Variants in ARHGEF33 observed in about 807,000 individuals in gnomAD.
ARHGEF33 encodes the protein DH and coiled-coil domain-containing protein ENSP00000381780.
A neutral mutation model predicts 101.9 loss-of-function variants in ARHGEF33; 72 were observed. The ratio of observed to expected loss-of-function variants is 0.71; its 90% confidence interval spans 0.58 to 0.86. The LOEUF (loss-of-function observed/expected upper bound fraction) is 0.86, where lower values mean the gene tolerates loss of function less well. ARHGEF33 is among the 40% of genes least tolerant of loss of function. ARHGEF33 has a pLI of 0.00. For synonymous variants in ARHGEF33, 499 were observed against 442.5 expected (o/e 1.13, Z -1.60); for missense variants, 1,169 against 1,111.3 (o/e 1.05, Z -0.74).
intron 7 of ARHGEF33, among the ~76,000 whole-genome samples, chr2:38,934,917 G>A (rs1667096041): frequency 6.6e-6 from 1 of 151,994 alleles, no homozygotes; most frequent in African/African-American, 2.4e-5. Context: ...TTCGCTTATG[G>A]GTACTGAGGG....
chr2:38,917,865 C>G (rs957055920), intron 2 of ARHGEF33, among the ~76,000 whole-genome samples: 16 of 151,974 alleles, frequency 1.1e-4, no homozygotes, highest in African/African-American at 3.9e-4. Flanking sequence ...GTGCCTCTTC[C>G]CAGTTATCCC....
At chr2:38,945,336 G>T (rs11124656) in intron 10 of ARHGEF33, among the ~76,000 whole-genome samples, 107,256 of 152,100 alleles carry the variant, frequency 0.71, 41,141 homozygotes, top group Non-Finnish European at 0.84. Flanking sequence ...ACCGAGTGAG[G>T]CACTACTCCC....
rs1425286957 is a variant in ARHGEF33, at chr2:38,956,841, GA to G, written c.1222-52del. ...ATAGATCAAGGTGAGGTGCAGAAGA[GA>G]AAAAACAAATTTTCATGCTGATTAT... is the stretch of plus-strand genomic sequence containing the variant. On this transcript the variant is annotated intron_variant, in intron 13 of 17. Transcript: ENST00000409978. The G allele has an allele frequency of 1.7e-5, 26 of 1,540,432 alleles. 1 individual carries two copies. Among genetic ancestry groups the G allele is most frequent in the Middle Eastern group, 1.7e-4 (1 of 5,942 alleles).
chr2:38,914,100 C>T (rs1326550074), intron 2 of ARHGEF33, among the ~76,000 whole-genome samples: 1 of 152,158 alleles, frequency 6.6e-6, no homozygotes, highest in East Asian at 1.9e-4. Context: ...ATGTTAACAT[C>T]CACTATTGGC....
chr2:38,953,111 A>G, intron 11 of ARHGEF33, 51 bp from the exon 12 acceptor site: 1 of 834,812 alleles, frequency 1.2e-6, no homozygotes, highest in Non-Finnish European at 2.0e-6. Flanking sequence ...TAAAAATATT[A>G]TAGATCCTGT....
At chr2:38,954,073 T>C (rs1423169656) in intron 12 of ARHGEF33, among the ~76,000 whole-genome samples, 2 of 152,194 alleles carry the variant, frequency 1.3e-5, no homozygotes, top group Non-Finnish European at 2.9e-5. Context: ...TCAGCTAAAA[T>C]ATAGTTCATT....
At position 38,938,002 on chromosome 2, in the gene ARHGEF33, A is replaced by G. The variant is rs184982398; in HGVS notation, c.790+443A>G. Among the ~76,000 whole-genome samples, 337 of 152,292 alleles carry G rather than the reference A, an allele frequency of 2.2e-3. 1 individual carries two copies. The highest frequency in any genetic ancestry group is 7.4e-3 in the African/African-American group (309 of 41,562). ...TGCTGAACAATTACTGTGTCAGACA[A>G]TGGCATTTCCCCCTGGCTATTTGGG... On this transcript the variant is annotated intron_variant, in intron 9 of 17. Coordinates refer to ENST00000409978, the MANE Select transcript of ARHGEF33 (RefSeq NM_001145451.5).
At position 38,898,692 on chromosome 2, in the gene ARHGEF33, G is replaced by A. The variant is rs141708883; in HGVS notation, c.-86+2843G>A. 2.0e-5 allele frequency among the ~76,000 whole-genome samples: 3 copies of A among 152,158 alleles called. No individual in the cohort carries two copies. The East Asian group carries it at 5.8e-4, about 29-fold the overall frequency. The stretch of plus-strand genomic sequence containing the variant: ...TATACTTAAAAAAAGGAAAATATTA[G>A]TTTTACATCCTGCTTCTTGGCACTG... On this transcript the variant is annotated intron_variant, in intron 2 of 17. Transcript: ENST00000409978.
intron 17 of ARHGEF33, among the ~76,000 whole-genome samples, chr2:38,968,149 C>G (rs1668091618): frequency 6.6e-6 from 1 of 151,936 alleles, no homozygotes; most frequent in Non-Finnish European, 1.5e-5. Context: ...GTGGATTTGT[C>G]CTCTCTGGAT....
intron 9 of ARHGEF33, among the ~76,000 whole-genome samples, chr2:38,941,947 T>C (rs441351): frequency 0.028 from 4,305 of 152,062 alleles, 204 homozygotes; most frequent in African/African-American, 0.099. Flanking sequence ...GATGTGAGTC[T>C]TTTTTATTAA....
At chr2:38,902,280 G>C (rs561685313) in intron 2 of ARHGEF33, among the ~76,000 whole-genome samples, 1 of 152,300 alleles carries the variant, frequency 6.6e-6, no homozygotes, top group East Asian at 1.9e-4. Flanking sequence ...TTGGCGACAG[G>C]CAGTGAGGTT....
intron 2 of ARHGEF33, among the ~76,000 whole-genome samples, chr2:38,918,976 G>A (rs1440573244): frequency 1.3e-5 from 2 of 152,086 alleles, no homozygotes; most frequent in Non-Finnish European, 2.9e-5. Context: ...AGCCCAGGAG[G>A]TCAAAGCGGC....
At chr2:38,948,592 GA>G (rs1299809640) in intron 10 of ARHGEF33, among the ~76,000 whole-genome samples, 1 of 152,076 alleles carries the variant, frequency 6.6e-6, no homozygotes. Context: ...GGAAGAAAGG[GA>G]GGGAGGGAGG....
At chr2:38,960,693 G>A in intron 16 of ARHGEF33, 45 bp downstream of exon 16, 2 of 1,287,922 alleles carry the variant, frequency 1.6e-6, no homozygotes, top group Non-Finnish European at 2.0e-6. Flanking sequence ...ACGGCCCCAG[G>A]CCTAGATCTG....
Position 38,960,552 on chromosome 2 carries a change from G to A in ARHGEF33, c.2247G>A (p.Pro749=), listed in dbSNP as rs1553346813. 18 of 1,273,056 alleles carry A rather than the reference G, an allele frequency of 1.4e-5. No individual in the cohort carries two copies. The South Asian group carries it at 3.6e-4, about 26-fold the overall frequency. The allele number at this position is 1,273,056 out of a possible 1,614,324, so 78.9% of individuals were successfully genotyped here. A position where few individuals can be genotyped will look rare whatever the true frequency, so the allele number is the denominator to read the frequency against. The change falls in exon 16 of 18, where the codon CCG becomes CCA. Residue 749 remains proline, a synonymous_variant. Transcript: ENST00000409978. ...KAERAAQAHG[P]AAAAVAARGA... is the part of the protein sequence containing the mutation. ...AGCGCGCCGCGCAGGCGCACGGCCC[G>A]GCCGCCGCCGCCGTCGCCGCCCGCG...
chr2:38,918,203 A>G (rs937245372), intron 2 of ARHGEF33, among the ~76,000 whole-genome samples: 1 of 152,254 alleles, frequency 6.6e-6, no homozygotes, highest in Non-Finnish European at 1.5e-5. Context: ...CACTGAAAGC[A>G]GAACCTTGAA....
At position 38,889,923 on chromosome 2, in the gene ARHGEF33, A is replaced by G; in HGVS notation, c.-222A>G. ...CTACTGCTTCTTTTTATAACCTTTAAGTTAATTCAGAACCCAGATAAGCCT... is the reference window on the plus strand; with the variant it reads ...CTACTGCTTCTTTTTATAACCTTTAGGTTAATTCAGAACCCAGATAAGCCT... On this transcript the variant is annotated 5_prime_UTR_variant, in exon 1 of 18. Coordinates refer to ENST00000409978, the MANE Select transcript of ARHGEF33 (RefSeq NM_001145451.5). 2.1e-6 allele frequency: 1 copy of G among 471,036 alleles called. No individual in the cohort carries two copies. The highest frequency in any genetic ancestry group is 4.4e-6 in the Non-Finnish European group (1 of 226,978). 29.2% of individuals were successfully genotyped at this position (471,036 alleles called of 1,614,324 possible).
chr2:38,973,218 C>T (rs987361227), intron 17 of ARHGEF33: 2 of 152,006 alleles, frequency 1.3e-5, no homozygotes, highest in Middle Eastern at 3.4e-3. Context: ...TTTCTGCATT[C>T]TACCAAATGT....
chr2:38,959,624 C>G, intron 15 of ARHGEF33: 1 of 511,040 alleles, frequency 2.0e-6, no homozygotes, highest in Non-Finnish European at 3.4e-6. Flanking sequence ...CCCAGAAGCT[C>G]AGACAATACC....
Sources: gnomAD v4.1 joint callset for allele counts (sites outside exome capture counted in the v4.1 genomes callset) on GRCh38, gnomAD v4.1.1 for gene constraint, MANE v1.5 for transcripts, NCBI Gene and HGNC (gene_info 2026-07-23, HGNC 2026-07-21) for gene names.